Variants in PES1 observed in about 807,000 individuals in gnomAD.
PES1 encodes the protein pescadillo ribosomal biogenesis factor 1, also known as pescadillo homolog.
PES1 carries 31 observed loss-of-function variants against 77.1 expected under a neutral mutation model. The observed-to-expected ratio is 0.40, with a 90% CI of 0.30 to 0.54. The LOEUF is 0.54. Ranked by LOEUF, PES1 falls within the 20% of genes least tolerant of loss-of-function variation. PES1 has a pLI of 0.45. For synonymous variants in PES1, 282 were observed against 303.0 expected (o/e 0.93, Z 0.72); for missense variants, 658 against 771.7 (o/e 0.85, Z 1.75).
chr22:30,588,920 C>G (rs1482405946), intron 2 of PES1, among the ~76,000 whole-genome samples: 2 of 152,190 alleles, frequency 1.3e-5, no homozygotes, highest in Non-Finnish European at 2.9e-5. Flanking sequence ...GATCAGGGGT[C>G]TCTTCTACCA....
intron 2 of PES1, among the ~76,000 whole-genome samples, chr22:30,600,688 C>G (rs958548784): frequency 6.6e-6 from 1 of 151,968 alleles, no homozygotes; most frequent in Non-Finnish European, 1.5e-5. Flanking sequence ...TGGTGGCGGG[C>G]GCCTGTAGTC....
upstream of PES1, among the ~76,000 whole-genome samples, chr22:30,594,877 A>G (rs1261716529): frequency 2.6e-5 from 4 of 152,182 alleles, no homozygotes; most frequent in Non-Finnish European, 5.9e-5. Flanking sequence ...TCGTGGTCCC[A>G]GCTACTCAGG....
intron 10 of PES1, 76 bp downstream of exon 10, chr22:30,580,495 C>T (rs148110364): frequency 9.0e-5 from 140 of 1,560,922 alleles, no homozygotes; most frequent in Admixed American, 2.3e-4. Context: ...CCAATGTTAC[C>T]GATGGGCACC....
chr22:30,579,389 T>A (rs1208982668), intron 12 of PES1, 86 bp from the exon 13 acceptor site: 3 of 1,583,692 alleles, frequency 1.9e-6, no homozygotes, highest in Non-Finnish European at 2.6e-6. Context: ...CCATCCTCTC[T>A]GACCCTGCCG....
intron 6 of PES1, among the ~76,000 whole-genome samples, chr22:30,583,754 T>C (rs754866747): frequency 6.6e-6 from 1 of 152,208 alleles, no homozygotes; most frequent in South Asian, 2.1e-4. Context: ...TGAGACCCTA[T>C]CTCTATTTTA....
intron 1 of PES1, among the ~76,000 whole-genome samples, chr22:30,590,215 T>C (rs1211921212): frequency 2.6e-5 from 4 of 152,236 alleles, no homozygotes; most frequent in African/African-American, 9.6e-5. Flanking sequence ...GGTGCTAAGA[T>C]GCTGCCTCAC....
upstream of PES1, chr22:30,592,318 G>C (rs1236703095): frequency 9.1e-6 from 9 of 991,066 alleles, no homozygotes; most frequent in African/African-American, 1.2e-4. Flanking sequence ...CTGCTGAGAA[G>C]CGGTTCCCGA....
chr22:30,593,484 G>A (rs1602023441), upstream of PES1, among the ~76,000 whole-genome samples: 2 of 151,612 alleles, frequency 1.3e-5, no homozygotes, highest in South Asian at 4.2e-4. Context: ...ACAGAGCGAG[G>A]CTCCATCTCA....
chr22:30,583,646 G>T (rs1388204755), intron 6 of PES1, among the ~76,000 whole-genome samples: 1 of 152,232 alleles, frequency 6.6e-6, no homozygotes, highest in Non-Finnish European at 1.5e-5. Context: ...GAAAAAGGCT[G>T]GGCTCTGTGG....
chr22:30,596,883 G>A (rs550549814), upstream of PES1, among the ~76,000 whole-genome samples: 1 of 152,228 alleles, frequency 6.6e-6, no homozygotes, highest in East Asian at 1.9e-4. Context: ...GCAGGAACCA[G>A]GGCTGTGCGC....
At position 30,584,720 on chromosome 22, in the gene PES1, G is replaced by A. The variant is rs755034709; in HGVS notation, c.369-3C>T. ...GGGCATCGATGAACGTGGGATACCT[G>A]CATGGCCAGTGAGGCAGCACATGGG... is the stretch of plus-strand genomic sequence containing the variant. On this transcript the variant is annotated splice_region_variant and splice_polypyrimidine_tract_variant and intron_variant, in intron 4 of 14. Transcript: ENST00000354694. The A allele has an allele frequency of 6.2e-7, 1 of 1,613,272 alleles. No homozygotes were observed. The highest frequency in any genetic ancestry group is 1.1e-5 in the South Asian group (1 of 91,042).
In PES1 at chr22:30,587,398, G is replaced by A. The variant is rs2087107841; in HGVS notation, c.259-3C>T. 1 of 1,609,696 alleles carries A rather than the reference G, an allele frequency of 6.2e-7. No homozygotes were observed. Among genetic ancestry groups the A allele is most frequent in the Non-Finnish European group, 8.5e-7 (1 of 1,176,260 alleles). ...TTCCGGAGCTTCCGGACGAACACCT[G>A]GAAGAAAGAAAGAAAACACCTCAAT... On this transcript the variant is annotated splice_region_variant and splice_polypyrimidine_tract_variant and intron_variant, in intron 3 of 14. Coordinates refer to ENST00000354694, the MANE Select transcript of PES1 (RefSeq NM_014303.4).
At chr22:30,606,229 T>C (rs75073732) in intron 1 of PES1, among the ~76,000 whole-genome samples, 1,806 of 152,116 alleles carry the variant, frequency 0.012, 44 homozygotes, top group African/African-American at 0.041. Context: ...ATCTCATTCT[T>C]TTTATTTTAT....
At chr22:30,579,391 AC>A (rs2086948161) in intron 12 of PES1, 88 bp from the exon 13 acceptor site, 2 of 1,581,094 alleles carry the variant, frequency 1.3e-6, no homozygotes, top group Non-Finnish European at 1.7e-6. Flanking sequence ...ATCCTCTCTG[AC>A]CCTGCCGTCT....
chr22:30,581,394 G>A lies in PES1; in HGVS notation c.762C>T (p.Ala254=), dbSNP rs1346653133. 6.2e-7 allele frequency: 1 copy of A among 1,613,754 alleles called. No homozygotes were observed. The highest frequency in any genetic ancestry group is 8.5e-7 in the Non-Finnish European group (1 of 1,180,006). Residue 254 remains alanine (A), a synonymous_variant, in exon 8 of 15, where the codon GCC becomes GCT. Transcript: ENST00000354694. ...LHYPPKLEGQ[A]QAEAKAGEGT... is the part of the protein sequence containing the mutation. ...CCTCACCGGCCTTTGCCTCTGCTTG[G>A]GCCTGACCCTCGAGCTAGTAGGCAA...
chr22:30,602,911 T>TTGTGTG (rs61098443), intron 2 of PES1, among the ~76,000 whole-genome samples: 8,165 of 150,856 alleles, frequency 0.054, 398 homozygotes, highest in East Asian at 0.23. Context: ...TGAAAGCAAT[T>TTGTGTG]TGTGTGTGTG....
At chr22:30,596,476 T>C (rs4820873), upstream of PES1, among the ~76,000 whole-genome samples, 25,275 of 150,722 alleles carry the variant, frequency 0.17, 2,224 homozygotes, top group African/African-American at 0.19. Context: ...TGAGCCACCA[T>C]GCCTGGCCCC....
At position 30,586,958 on chromosome 22, in the gene PES1, C is replaced by G. The variant is rs1056571758; in HGVS notation, c.368+328G>C. The G allele has an allele frequency of 3.7e-5, 11 of 296,856 alleles. No individual in the cohort carries two copies. The Admixed American group carries it at 5.3e-4, about 14-fold the overall frequency. The allele number at this position is 296,856 out of a possible 1,614,324, so 18.4% of individuals were successfully genotyped here. The stretch of plus-strand genomic sequence containing the variant: ...GAGAGGTGTCTAGCCATGCTTCCCA[C>G]GTCTCACCAGGTACCCGTCGTGCCT... On this transcript the variant is annotated intron_variant, in intron 4 of 14. Coordinates refer to ENST00000354694, the MANE Select transcript of PES1 (RefSeq NM_014303.4).
intron 10 of PES1, 75 bp from the exon 11 acceptor site, chr22:30,580,253 T>C: frequency 1.3e-6 from 2 of 1,535,012 alleles, no homozygotes; most frequent in South Asian, 2.6e-5. Context: ...CCCTGGGACC[T>C]GCTGGCCACC....
Sources: allele counts gnomAD v4.1 joint callset (sites outside exome capture counted in the v4.1 genomes callset), GRCh38; gene constraint gnomAD v4.1.1; transcripts MANE v1.5; gene names NCBI Gene and HGNC (gene_info 2026-07-23, HGNC 2026-07-21).